The following MYO1E variants were observed in gnomAD, a reference collection of about 807,000 sequenced individuals.
MYO1E encodes unconventional myosin-Ie.
Under a neutral mutation model 151.1 loss-of-function variants are expected in MYO1E, and 68 were observed. That is an observed-to-expected ratio of 0.45 (90% CI 0.37 to 0.55). The LOEUF is 0.55. MYO1E is among the 20% of genes least tolerant of loss of function. The probability of loss-of-function intolerance (pLI) is 0.00; values close to 1 mark genes in which losing one functional copy is unlikely to be tolerated. For missense variants in MYO1E, 1,363 were observed against 1,389.3 expected, an observed-to-expected ratio of 0.98 and a Z score of 0.30; for synonymous variants, 601 against 501.7, an observed-to-expected ratio of 1.20 and a Z score of -2.64.
chr15:59,157,810 G>C (rs1286147868), intron 25 of MYO1E, among the ~76,000 whole-genome samples: 2 of 152,230 alleles, frequency 1.3e-5, no homozygotes, highest in African/African-American at 4.8e-5. Context: ...GTATAGATAG[G>C]TTTTGGTAAT....
chr15:59,205,527 T>C (rs1431871700), intron 14 of MYO1E, 42 bp from the exon 15 acceptor site: 1 of 1,537,064 alleles, frequency 6.5e-7, no homozygotes, highest in African/African-American at 1.4e-5. Flanking sequence ...TTGAACAAAA[T>C]GTAATTAATT....
rs1344740473 is a variant in MYO1E at position 59,207,201 on chromosome 15, C to G, written c.1530+1480G>C. The stretch of plus-strand genomic sequence containing the variant: ...CGGTGGGCATGGCCTGCGCTATCAG[C>G]ATCTTATTAAAAGGCTTGAGTGATG... On this transcript the variant is annotated intron_variant, in intron 14 of 27. Coordinates refer to ENST00000288235, the MANE Select transcript of MYO1E (RefSeq NM_004998.4). 3.1e-6 allele frequency: 5 copies of G among 1,614,226 alleles called. No individual in the cohort carries two copies. The highest frequency in any genetic ancestry group is 3.3e-5 in the Admixed American group (2 of 60,030).
chr15:59,215,781 C>A (rs1448638425), intron 10 of MYO1E, among the ~76,000 whole-genome samples: 2 of 152,090 alleles, frequency 1.3e-5, no homozygotes, highest in African/African-American at 2.4e-5. Context: ...ACAAAAAAAA[C>A]TGACAGGTGA....
At position 59,231,761 on chromosome 15, in the gene MYO1E, G is replaced by C. The variant is rs753468472; in HGVS notation, c.451C>G (p.Pro151Ala). Reference protein sequence around the residue: ...HVKDIILQSNPLLEAFGNAKT... With the variant: ...HVKDIILQSNALLEAFGNAKT... The stretch of plus-strand genomic sequence containing the variant: ...GCGTTCCCGAAGGCCTCCAGCAGCG[G>C]GTTGGACTGCAGGATAATGTCCTTC... Residue 151 changes from proline to alanine, a missense_variant, in exon 6 of 28, where the codon CCG (proline) becomes GCG (alanine). Transcript: ENST00000288235. The C allele has an allele frequency of 6.2e-7, 1 of 1,614,192 alleles. No homozygotes were observed. The highest frequency in any genetic ancestry group is 2.2e-5 in the East Asian group (1 of 44,882).
intron 7 of MYO1E, among the ~76,000 whole-genome samples, chr15:59,227,123 C>CG (rs1437541434): frequency 1.3e-5 from 2 of 152,208 alleles, no homozygotes; most frequent in Non-Finnish European, 2.9e-5. Context: ...ACTTTCCATC[C>CG]GGGCTCTACC....
At position 59,339,977 on chromosome 15, in the gene MYO1E, A is replaced by T. The variant is rs2080754246; in HGVS notation, c.3+32521T>A. ...ATTCTCCTGTCTCAGCCTCCCTAGT[A>T]GCTGGGATTACAGGTGTCCGCTACC... On this transcript the variant is annotated intron_variant, in intron 1 of 27. Transcript: ENST00000288235. Among the ~76,000 whole-genome samples the T allele has an allele frequency of 4.0e-5, 6 of 151,428 alleles. No individual in the cohort carries two copies. The South Asian group carries it at 1.2e-3, about 31-fold the overall frequency.
At position 59,163,304 on chromosome 15, in the gene MYO1E, C is replaced by T. The variant is rs373685592; in HGVS notation, c.2481-1G>A. The T allele has an allele frequency of 1.2e-6, 2 of 1,612,582 alleles. No individual in the cohort carries two copies. The highest frequency in any genetic ancestry group is 1.7e-6 in the Non-Finnish European group (2 of 1,179,386). On this transcript the variant is annotated splice_acceptor_variant, in intron 22 of 27. Transcript: ENST00000288235. LOFTEE classifies it high-confidence loss of function. Reference sequence around the variant, plus strand: ...AATAAAAATGTCATCCTGCATAGTACTGTAAAGAGATTGGACAAACACACT... The same window carrying T: ...AATAAAAATGTCATCCTGCATAGTATTGTAAAGAGATTGGACAAACACACT...
chr15:59,172,595 A>C (rs1485772297), intron 21 of MYO1E, among the ~76,000 whole-genome samples: 1 of 152,338 alleles, frequency 6.6e-6, no homozygotes, highest in Middle Eastern at 3.4e-3. Flanking sequence ...TGGCAAACTC[A>C]TATGGAGTCA....
intron 4 of MYO1E, among the ~76,000 whole-genome samples, chr15:59,240,907 G>GA (rs1242248986): frequency 1.3e-5 from 2 of 152,242 alleles, no homozygotes; most frequent in Non-Finnish European, 2.9e-5. Flanking sequence ...CCGAAGGCCA[G>GA]AATGAGATGT....
intron 1 of MYO1E, among the ~76,000 whole-genome samples, chr15:59,351,830 G>A (rs2080825155): frequency 6.6e-6 from 1 of 152,200 alleles, no homozygotes; most frequent in Non-Finnish European, 1.5e-5. Flanking sequence ...ATTCTAAAAG[G>A]AAAACCAGGT....
intron 25 of MYO1E, among the ~76,000 whole-genome samples, chr15:59,154,555 G>A (rs573988410): frequency 6.6e-6 from 1 of 152,312 alleles, no homozygotes; most frequent in Admixed American, 6.5e-5. Context: ...TGGAGAAAGA[G>A]AACAAGACTC....
chr15:59,146,473 G>A (rs1566963768), intron 26 of MYO1E, among the ~76,000 whole-genome samples: 2 of 151,780 alleles, frequency 1.3e-5, no homozygotes. Flanking sequence ...CTGCCACCAC[G>A]CCCGACTAAT....
intron 10 of MYO1E, 54 bp from the exon 11 acceptor site, chr15:59,214,774 G>A (rs756264269): frequency 2.1e-5 from 29 of 1,391,690 alleles, no homozygotes; most frequent in Non-Finnish European, 2.6e-5. Flanking sequence ...TACTAAAAAC[G>A]GGCATGCACT....
At chr15:59,204,499 G>A (rs1296278901) in intron 15 of MYO1E, among the ~76,000 whole-genome samples, 2 of 152,184 alleles carry the variant, frequency 1.3e-5, no homozygotes, top group Non-Finnish European at 2.9e-5. Context: ...TGTAAGATCT[G>A]GCATGCATGG....
chr15:59,263,751 GCC>G (rs1409920630), intron 2 of MYO1E, among the ~76,000 whole-genome samples: 1 of 152,088 alleles, frequency 6.6e-6, no homozygotes, highest in East Asian at 1.9e-4. Flanking sequence ...CTAAGGGCAG[GCC>G]ATAGTGCTAA....
At chr15:59,371,980 C>T (rs1293130931) in intron 1 of MYO1E, among the ~76,000 whole-genome samples, 17 of 149,954 alleles carry the variant, frequency 1.1e-4, no homozygotes, top group African/African-American at 4.1e-4. Context: ...CCGCGTGCCG[C>T]TGCCAGGCGG....
At chr15:59,268,720 ATTTTTT>A (rs398027512) in intron 2 of MYO1E, among the ~76,000 whole-genome samples, 5 of 44,914 alleles carry the variant, frequency 1.1e-4, no homozygotes, top group East Asian at 6.7e-4. Context: ...TGACTTTGGT[ATTTTTT>A]TTTTTTTTTT....
At chr15:59,285,653 ACTGTC>A (rs2080383528) in intron 1 of MYO1E, among the ~76,000 whole-genome samples, 1 of 152,048 alleles carries the variant, frequency 6.6e-6, no homozygotes, top group Admixed American at 6.5e-5. Flanking sequence ...CCGACTAGAC[ACTGTC>A]TTTAAAAAAA....
At chr15:59,351,830 GA>G (rs1226322959) in intron 1 of MYO1E, among the ~76,000 whole-genome samples, 15 of 152,318 alleles carry the variant, frequency 9.8e-5, no homozygotes, top group Admixed American at 7.2e-4. Context: ...ATTCTAAAAG[GA>G]AAACCAGGTA....
Sources: gnomAD v4.1 joint callset for allele counts (sites outside exome capture counted in the v4.1 genomes callset) on GRCh38, gnomAD v4.1.1 for gene constraint, MANE v1.5 for transcripts, NCBI Gene and HGNC (gene_info 2026-07-23, HGNC 2026-07-21) for gene names.